TEF: variants seen among roughly 807,000 people sequenced by gnomAD.
TEF encodes the protein TEF transcription factor, PAR bZIP family member, also known as thyrotroph embryonic factor.
Under a neutral mutation model 20.8 loss-of-function variants are expected in TEF, and 3 were observed. That is an observed-to-expected ratio of 0.14 (90% CI 0.07 to 0.37). TEF has a LOEUF of 0.37. Ranked by LOEUF, TEF falls within the 10% of genes least tolerant of loss-of-function variation. The probability of loss-of-function intolerance (pLI) is 1.00; values close to 1 mark genes in which losing one functional copy is unlikely to be tolerated. For synonymous variants in TEF, 180 were observed against 171.1 expected (o/e 1.05, Z -0.41); for missense variants, 296 against 397.9 (o/e 0.74, Z 2.18).
chr22:41,386,619 G>T (rs1484366883), intron 1 of TEF, among the ~76,000 whole-genome samples: 3 of 151,652 alleles, frequency 2.0e-5, no homozygotes, highest in Admixed American at 6.6e-5. Context: ...GCAGGCTCCT[G>T]TAATCCCAGT....
At chr22:41,395,585 TG>T (rs1185345379) in intron 3 of TEF, among the ~76,000 whole-genome samples, 159 bp from the exon 4 acceptor site, 1 of 152,136 alleles carries the variant, frequency 6.6e-6, no homozygotes, top group Admixed American at 6.5e-5. Context: ...GAAAGGGCAG[TG>T]CCCTCAATGT....
At chr22:41,384,187 T>C (rs1388728106) in intron 1 of TEF, among the ~76,000 whole-genome samples, 1 of 152,216 alleles carries the variant, frequency 6.6e-6, no homozygotes, top group African/African-American at 2.4e-5. Context: ...TTTTCACTTA[T>C]AAATCCAGAG....
intron 3 of TEF, among the ~76,000 whole-genome samples, chr22:41,395,166 C>T (rs775151291): frequency 6.6e-6 from 1 of 152,016 alleles, no homozygotes; most frequent in African/African-American, 2.4e-5. Flanking sequence ...ACCACCACGC[C>T]GGCTAATTTT....
chr22:41,376,070 ATGGCCAAAGAGATCATTATAGGGTATC>A lies in TEF; in HGVS notation c.67+8481_67+8507del. ...GACTGTTCTACTAGGTGCGGAATAT[ATGGCCAAAGAGATCATTATAGGGTATC>A]TGGCCAAAGGCTCCTGTGTTGGAGT... is the stretch of plus-strand genomic sequence containing the variant. On this transcript the variant is annotated intron_variant, in intron 1 of 3. Transcript: ENST00000406644. 3.3e-5 allele frequency among the ~76,000 whole-genome samples: 5 copies of A among 152,286 alleles called. 1 individual carries two copies. The highest frequency in any genetic ancestry group is 2.6e-4 in the Admixed American group (4 of 15,288).
At position 41,395,930 on chromosome 22, in the gene TEF, C is replaced by G. The variant is rs1460951126; in HGVS notation, c.882C>G (p.Ser294=). 1 of 1,613,888 alleles carries G rather than the reference C, an allele frequency of 6.2e-7. No homozygotes were observed. Among genetic ancestry groups the G allele is most frequent in the Non-Finnish European group, 8.5e-7 (1 of 1,179,786 alleles). ...TGGGCAAGTGCAAGACCATCGTGTC[C>G]AAGTATGAGACCAAATACGGGCCCT... ...KEVGKCKTIV[S]KYETKYGPL Residue 294 remains serine, a synonymous_variant, in exon 4 of 4, where the codon TCC becomes TCG. Coordinates refer to ENST00000266304, the MANE Select transcript of TEF (RefSeq NM_003216.4).
chr22:41,395,688 A>G, intron 3 of TEF, 57 bp from the exon 4 acceptor site: 1 of 1,574,598 alleles, frequency 6.4e-7, no homozygotes, highest in African/African-American at 1.3e-5. Flanking sequence ...GGGAGTGGAA[A>G]AATTGGGTTC....
chr22:41,388,278 G>T (rs184309930), intron 2 of TEF, among the ~76,000 whole-genome samples: 39 of 152,060 alleles, frequency 2.6e-4, no homozygotes, highest in African/African-American at 9.2e-4. Context: ...GATTACAGGC[G>T]TAAGCTACCA....
upstream of TEF, among the ~76,000 whole-genome samples, chr22:41,380,008 A>C (rs1200276229): frequency 6.6e-6 from 1 of 152,190 alleles, no homozygotes; most frequent in Non-Finnish European, 1.5e-5. Context: ...AGGTTCAATT[A>C]CAGTGGCAGT....
At chr22:41,394,000 T>C in intron 2 of TEF, 96 bp from the exon 3 acceptor site, 1 of 1,174,440 alleles carries the variant, frequency 8.5e-7, no homozygotes, top group Non-Finnish European at 1.2e-6. Context: ...CAGTGGCTTA[T>C]GCAGCCTTGA....
At chr22:41,369,720 C>T (rs1569249835) in intron 1 of TEF, among the ~76,000 whole-genome samples, 1 of 152,172 alleles carries the variant, frequency 6.6e-6, no homozygotes, top group Non-Finnish European at 1.5e-5. Flanking sequence ...GGACCATGTA[C>T]TTAAGTAGTT....
intron 1 of TEF, among the ~76,000 whole-genome samples, chr22:41,372,674 G>A (rs149945229): frequency 2.0e-5 from 3 of 152,258 alleles, no homozygotes; most frequent in African/African-American, 7.2e-5. Context: ...CGTTTGCTAT[G>A]CTTGGAGAGC....
intron 2 of TEF, among the ~76,000 whole-genome samples, chr22:41,391,418 C>T (rs1023365241): frequency 2.0e-5 from 3 of 150,948 alleles, no homozygotes; most frequent in Admixed American, 6.6e-5. Flanking sequence ...CTCTGCCTCC[C>T]GGGTTCAAGC....
chr22:41,369,370 C>G (rs753534041), intron 1 of TEF: 21 of 594,450 alleles, frequency 3.5e-5, no homozygotes, highest in Non-Finnish European at 4.4e-5. Flanking sequence ...ATTAGTTAGT[C>G]CAGCATGGCT....
intron 3 of TEF, among the ~76,000 whole-genome samples, chr22:41,394,912 A>G (rs1455157165): frequency 3.9e-5 from 6 of 152,048 alleles, no homozygotes. Context: ...CCTCCCGGGG[A>G]GGTTTGTGAG....
intron 1 of TEF, among the ~76,000 whole-genome samples, chr22:41,368,700 G>A (rs1293178024): frequency 6.6e-6 from 1 of 152,170 alleles, no homozygotes; most frequent in Non-Finnish European, 1.5e-5. Flanking sequence ...GGGCTCCGGA[G>A]CTCTCGCACG....
At chr22:41,377,107 C>T (rs1007485968), upstream of TEF, 1 of 152,268 alleles carries the variant, frequency 6.6e-6, no homozygotes, top group Admixed American at 6.5e-5. Flanking sequence ...TCAAGCAATC[C>T]TCCCACCTCA....
In TEF at chr22:41,397,501, C is replaced by A; in HGVS notation, c.*1541C>A. On this transcript the variant is annotated 3_prime_UTR_variant, in exon 4 of 4. Coordinates refer to ENST00000266304, the MANE Select transcript of TEF (RefSeq NM_003216.4). ...ACTGGCTTTATTTACCGTGGTGGTT[C>A]AGAGTCCCAGGCCCTGACCTCTAAA... The A allele has an allele frequency of 6.1e-6, 1 of 163,402 alleles. No homozygotes were observed. Among genetic ancestry groups the A allele is most frequent in the African/African-American group, 2.4e-5 (1 of 42,096 alleles). The allele number at this position is 163,402 out of a possible 1,614,324, so 10.1% of individuals were successfully genotyped here.
At chr22:41,382,790 G>C in intron 1 of TEF, 1 of 413,114 alleles carries the variant, frequency 2.4e-6, no homozygotes, top group Non-Finnish European at 5.0e-6. Flanking sequence ...GGTGGGGGGG[G>C]TGTGGGCGAG....
At chr22:41,386,624 C>T (rs1364342153) in intron 1 of TEF, among the ~76,000 whole-genome samples, 1 of 151,668 alleles carries the variant, frequency 6.6e-6, no homozygotes, top group Non-Finnish European at 1.5e-5. Context: ...CTCCTGTAAT[C>T]CCAGTTTACT....
Sources: gnomAD v4.1 joint callset for allele counts (sites outside exome capture counted in the v4.1 genomes callset) on GRCh38, gnomAD v4.1.1 for gene constraint, MANE v1.5 for transcripts, NCBI Gene and HGNC (gene_info 2026-07-23, HGNC 2026-07-21) for gene names.